ALKBH3: variants seen among roughly 807,000 people sequenced by gnomAD.
ALKBH3 encodes alpha-ketoglutarate-dependent dioxygenase alkB homolog 3.
Under a neutral mutation model 43.9 loss-of-function variants are expected in ALKBH3, and 51 were observed. The ratio of observed to expected loss-of-function variants is 1.16; its 90% CI spans 0.93 to 1.47. ALKBH3 has a LOEUF of 1.47. ALKBH3 is among the 40% of genes most tolerant of loss of function. ALKBH3 has a pLI of 0.00. For missense variants in ALKBH3, 361 were observed against 351.9 expected, an observed-to-expected ratio of 1.03 and a Z score of -0.21; for synonymous variants, 102 against 115.2, an observed-to-expected ratio of 0.89 and a Z score of 0.73.
chr11:43,906,873 T>A (rs1951899585), intron 8 of ALKBH3, among the ~76,000 whole-genome samples: 1 of 152,206 alleles, frequency 6.6e-6, no homozygotes, highest in South Asian at 2.1e-4. Context: ...TACTTATTCC[T>A]TTTTTGTAAA....
intron 8 of ALKBH3, among the ~76,000 whole-genome samples, chr11:43,913,914 CCA>C (rs1419596224): frequency 6.6e-6 from 1 of 152,134 alleles, no homozygotes; most frequent in East Asian, 1.9e-4. Context: ...CATAAAAATC[CCA>C]CTTGTCAGCT....
chr11:43,898,767 G>A (rs539378682), intron 7 of ALKBH3: 73 of 745,296 alleles, frequency 9.8e-5, no homozygotes, highest in East Asian at 3.9e-4. Context: ...TGCTCTGGAC[G>A]CTGGTTAGTC....
At chr11:43,911,074 C>T (rs1951934854) in intron 8 of ALKBH3, among the ~76,000 whole-genome samples, 1 of 152,142 alleles carries the variant, frequency 6.6e-6, no homozygotes, top group Non-Finnish European at 1.5e-5. Context: ...ATAGTTACAA[C>T]TCATGGTTAG....
intron 4 of ALKBH3, among the ~76,000 whole-genome samples, chr11:43,885,248 T>A (rs1284012285): frequency 6.6e-6 from 1 of 152,208 alleles, no homozygotes; most frequent in African/African-American, 2.4e-5. Context: ...TAAAGTTAAC[T>A]ATGCTAGGTT....
At chr11:43,905,582 A>G (rs748521545) in intron 8 of ALKBH3, among the ~76,000 whole-genome samples, 1 of 152,066 alleles carries the variant, frequency 6.6e-6, no homozygotes, top group Non-Finnish European at 1.5e-5. Flanking sequence ...GCTTGCTTTT[A>G]CATTCATTCC....
chr11:43,884,727 G>A (rs1043713662), intron 4 of ALKBH3, among the ~76,000 whole-genome samples: 13 of 152,090 alleles, frequency 8.5e-5, no homozygotes, highest in Admixed American at 5.2e-4. Context: ...AGAAAAAGTC[G>A]CAGGCTAATA....
At position 43,883,101 on chromosome 11, in the gene ALKBH3, C is replaced by A; in HGVS notation, c.96C>A (p.Ser32Arg). Residue 32 changes from serine (S) to arginine (R), a missense_variant, in exon 3 of 10, where the codon AGC becomes AGA. Physicochemically the swap from Ser to Arg is moderately radical, Grantham distance 110. Coordinates refer to ENST00000302708, the MANE Select transcript of ALKBH3 (RefSeq NM_139178.4). The stretch of plus-strand genomic sequence containing the variant: ...TTGCTTCAGCTACCACTGCTAAGAG[C>A]CATCTCCACCAGAAGCCTGGCCAGA... Reference protein sequence around the residue: ...AIAQPATTAKSHLHQKPGQTW... With the variant: ...AIAQPATTAKRHLHQKPGQTW... 1 of 1,613,964 alleles carries A rather than the reference C, an allele frequency of 6.2e-7. No individual in the cohort carries two copies. Among genetic ancestry groups the A allele is most frequent in the Non-Finnish European group, 8.5e-7 (1 of 1,179,910 alleles).
intron 8 of ALKBH3, among the ~76,000 whole-genome samples, chr11:43,907,224 T>C (rs1951902050): frequency 2.0e-5 from 3 of 151,932 alleles, no homozygotes; most frequent in African/African-American, 7.3e-5. Context: ...TGTGTGTGTG[T>C]GTGTGCGTGT....
intron 4 of ALKBH3, among the ~76,000 whole-genome samples, chr11:43,885,429 G>T (rs1205437419): frequency 6.6e-6 from 1 of 152,144 alleles, no homozygotes; most frequent in Non-Finnish European, 1.5e-5. Flanking sequence ...CTACATTTTG[G>T]CTGAAAGGCA....
At position 43,919,070 on chromosome 11, in the gene ALKBH3, A is replaced by C. The variant is rs2135210842; in HGVS notation, c.702A>C (p.Arg234Ser). ...ATGGAGACTACACATATGTGGAAAG[A>C]GTGAAGATACCCTTGGATCATGGGA... ...EENGDYTYVE[R>S]VKIPLDHGTL... Residue 234 changes from arginine to serine, a missense_variant, in exon 9 of 10, where the codon AGA becomes AGC. By Grantham distance (110) the Arg-to-Ser change is moderately radical. Transcript: ENST00000302708. 1 of 1,612,780 alleles carries C rather than the reference A, an allele frequency of 6.2e-7. No homozygotes were observed. The highest frequency in any genetic ancestry group is 1.7e-5 in the Admixed American group (1 of 60,028).
intron 8 of ALKBH3, among the ~76,000 whole-genome samples, chr11:43,916,271 A>G (rs941883920): frequency 1.3e-5 from 2 of 152,192 alleles, no homozygotes; most frequent in African/African-American, 4.8e-5. Flanking sequence ...ACTGAATAGG[A>G]TATGTTGGTG....
intron 5 of ALKBH3, among the ~76,000 whole-genome samples, chr11:43,888,033 G>A (rs1437427342): frequency 1.3e-5 from 2 of 150,460 alleles, no homozygotes; most frequent in Non-Finnish European, 3.0e-5. Flanking sequence ...TCTTGACCTC[G>A]TGATCCACCT....
In ALKBH3 at chr11:43,920,087, C is replaced by G. The variant is rs36088299; in HGVS notation, c.*77C>G. The G allele has an allele frequency of 2.2e-3, 2,977 of 1,329,250 alleles. 56 individuals carry two copies. In the African/African-American group the frequency reaches 0.038, roughly 17 times the overall value. 82.3% of individuals were successfully genotyped at this position (1,329,250 alleles called of 1,614,324 possible). Reference sequence around the variant, plus strand: ...GAGAAGCCACTTCAAGAGGCTGGTGCTGCTAGATCTCATGATGTGGCTGTT... The same window carrying G: ...GAGAAGCCACTTCAAGAGGCTGGTGGTGCTAGATCTCATGATGTGGCTGTT... On this transcript the variant is annotated 3_prime_UTR_variant, in exon 10 of 10. Coordinates refer to ENST00000302708, the MANE Select transcript of ALKBH3 (RefSeq NM_139178.4).
At chr11:43,889,978 A>T (rs1175458495) in intron 6 of ALKBH3, 150 bp downstream of exon 6, 7 of 648,528 alleles carry the variant, frequency 1.1e-5, no homozygotes, top group Non-Finnish European at 1.8e-5. Context: ...CAAAAAGGAC[A>T]GGGAAGAGTA....
At chr11:43,919,502 G>A (rs1952010180) in intron 9 of ALKBH3, 1 of 292,248 alleles carries the variant, frequency 3.4e-6, no homozygotes, top group African/African-American at 2.2e-5. Flanking sequence ...CTATCTTATT[G>A]GAATACACAG....
At chr11:43,890,937 C>T (rs1951779394) in intron 6 of ALKBH3, among the ~76,000 whole-genome samples, 1 of 152,168 alleles carries the variant, frequency 6.6e-6, no homozygotes, top group African/African-American at 2.4e-5. Context: ...TAAATCATCT[C>T]TAGATCACTT....
intron 7 of ALKBH3, chr11:43,899,447 G>A (rs35017547): frequency 0.052 from 36,339 of 700,536 alleles, 2,379 homozygotes; most frequent in Admixed American, 0.24. Flanking sequence ...GATAGGCTCC[G>A]AGGATTTCAG....
intron 8 of ALKBH3, among the ~76,000 whole-genome samples, chr11:43,906,419 A>G (rs1951896388): frequency 6.6e-6 from 1 of 152,258 alleles, no homozygotes; most frequent in African/African-American, 2.4e-5. Flanking sequence ...GAAGTTAGAT[A>G]AGCTAGTACT....
chr11:43,883,890 C>G (rs2271818), intron 3 of ALKBH3, 93 bp from the exon 4 acceptor site: 496,671 of 1,493,996 alleles, frequency 0.33, 86,808 homozygotes, highest in East Asian at 0.57. Context: ...TAGTTTTTAA[C>G]TTTATTTTGA....
Sources: gnomAD v4.1 joint callset for allele counts (sites outside exome capture counted in the v4.1 genomes callset) on GRCh38, gnomAD v4.1.1 for gene constraint, MANE v1.5 for transcripts, NCBI Gene and HGNC (gene_info 2026-07-23, HGNC 2026-07-21) for gene names.